Variants in ZFAT observed in about 807,000 individuals in gnomAD.
ZFAT encodes zinc finger protein ZFAT.
In ZFAT, 64 loss-of-function variants were observed where a neutral mutation model predicts 117.7. That is an observed-to-expected ratio of 0.54 (90% CI 0.44 to 0.67). The LOEUF (loss-of-function observed/expected upper bound fraction) is 0.67, where lower values mean the gene tolerates loss of function less well. Ranked by LOEUF, ZFAT falls within the 30% of genes least tolerant of loss-of-function variation. The pLI, the probability that ZFAT is intolerant of heterozygous loss-of-function variation, is 0.00. For missense variants in ZFAT, 1,433 were observed against 1,584.5 expected, an observed-to-expected ratio of 0.90 and a Z score of 1.62; for synonymous variants, 679 against 615.0, an observed-to-expected ratio of 1.10 and a Z score of -1.54.
chr8:134,532,615 G>A (rs904705320), intron 12 of ZFAT, among the ~76,000 whole-genome samples: 2 of 152,238 alleles, frequency 1.3e-5, no homozygotes, highest in African/African-American at 2.4e-5. Flanking sequence ...TGCTATTTTA[G>A]ACTTCCACTA....
chr8:134,625,766 A>C (rs1054200367), intron 3 of ZFAT, among the ~76,000 whole-genome samples: 9 of 152,352 alleles, frequency 5.9e-5, no homozygotes, highest in Middle Eastern at 3.4e-3. Flanking sequence ...CAGCCCCAGC[A>C]GTATGTCCAG....
intron 2 of ZFAT, among the ~76,000 whole-genome samples, chr8:134,644,581 C>T (rs565784274): frequency 5.3e-5 from 8 of 151,704 alleles, no homozygotes; most frequent in Admixed American, 1.3e-4. Context: ...ACCACATACA[C>T]AACCCATGTA....
the ZFAT span, among the ~76,000 whole-genome samples, chr8:134,768,049 C>T: frequency 3.3e-5 from 5 of 152,282 alleles, no homozygotes; most frequent in African/African-American, 1.2e-4. Flanking sequence ...TTTCATTCTT[C>T]ATTCTGTATA....
intron 14 of ZFAT, among the ~76,000 whole-genome samples, chr8:134,511,247 G>A (rs758207315): frequency 2.7e-4 from 41 of 152,154 alleles, no homozygotes; most frequent in Non-Finnish European, 4.4e-4. Flanking sequence ...GTGAGAGTGT[G>A]TGTGGGGGGT....
At chr8:134,546,227 A>G (rs1042242487) in intron 11 of ZFAT, among the ~76,000 whole-genome samples, 4 of 152,242 alleles carry the variant, frequency 2.6e-5, no homozygotes, top group Non-Finnish European at 5.9e-5. Context: ...TAGAGGAAAT[A>G]TTAACTATAA....
intron 2 of ZFAT, among the ~76,000 whole-genome samples, chr8:134,655,674 T>A (rs1213242429): frequency 6.6e-6 from 1 of 152,056 alleles, no homozygotes; most frequent in African/African-American, 2.4e-5. Context: ...AAATAAAAAT[T>A]AAAATTTCTC....
chr8:134,575,447 G>C (rs1345248541), intron 10 of ZFAT, among the ~76,000 whole-genome samples: 1 of 152,208 alleles, frequency 6.6e-6, no homozygotes. Flanking sequence ...AGGTCCATAA[G>C]CCACAGGATG....
At chr8:134,693,923 C>A (rs1833702588) in intron 1 of ZFAT, among the ~76,000 whole-genome samples, 1 of 152,228 alleles carries the variant, frequency 6.6e-6, no homozygotes. Context: ...GATCACGTGT[C>A]TCCTGCTATG....
At chr8:134,516,151 G>C (rs774543952) in intron 13 of ZFAT, among the ~76,000 whole-genome samples, 1 of 152,192 alleles carries the variant, frequency 6.6e-6, no homozygotes, top group African/African-American at 2.4e-5. Context: ...GTTTGCCTTA[G>C]AGAGCTGTCA....
At chr8:134,509,987 C>A in intron 14 of ZFAT, 2 of 534,998 alleles carry the variant, frequency 3.7e-6, no homozygotes, top group South Asian at 1.6e-5. Context: ...GACATTGAGA[C>A]GTTATTTGCA....
chr8:134,708,013 A>C (rs1446587823), intron 1 of ZFAT, among the ~76,000 whole-genome samples: 4 of 114,788 alleles, frequency 3.5e-5, no homozygotes, highest in Admixed American at 3.2e-4. Flanking sequence ...ATTCAGCTGT[A>C]AAAAAGAAAT....
the ZFAT span, chr8:134,792,575 T>C: frequency 6.6e-6 from 1 of 152,212 alleles, no homozygotes; most frequent in Non-Finnish European, 1.5e-5. Context: ...TAAAGTTGGT[T>C]TTTCTCAAAT....
chr8:134,701,076 A>G (rs1328168267), intron 1 of ZFAT, among the ~76,000 whole-genome samples: 1 of 152,196 alleles, frequency 6.6e-6, no homozygotes, highest in Non-Finnish European at 1.5e-5. Context: ...CAGTGGCATT[A>G]GATACATTCA....
intron 12 of ZFAT, among the ~76,000 whole-genome samples, chr8:134,523,063 T>TA (rs1359755639): frequency 1.3e-5 from 2 of 152,170 alleles, no homozygotes; most frequent in African/African-American, 2.4e-5. Flanking sequence ...TCAGCCCTGT[T>TA]AGACTCAATG....
At chr8:134,782,656 T>C in the ZFAT span, among the ~76,000 whole-genome samples, 1 of 152,128 alleles carries the variant, frequency 6.6e-6, no homozygotes, top group Non-Finnish European at 1.5e-5. Flanking sequence ...TCTGATAGTT[T>C]TATAAGGGAA....
chr8:134,533,914 A>G (rs1345244245), intron 11 of ZFAT, among the ~76,000 whole-genome samples: 6 of 152,190 alleles, frequency 3.9e-5, no homozygotes, highest in Non-Finnish European at 8.8e-5. Flanking sequence ...AGCTGCCAGC[A>G]TGCCCCTGTA....
At chr8:134,530,977 C>A (rs1002795352) in intron 12 of ZFAT, among the ~76,000 whole-genome samples, 1 of 152,080 alleles carries the variant, frequency 6.6e-6, no homozygotes, top group Non-Finnish European at 1.5e-5. Context: ...GTCCTGGAAC[C>A]AATCCCCCAT....
In ZFAT at chr8:134,668,995, A is replaced by C. The variant is rs151008500; in HGVS notation, c.20-11258T>G. ...GCCGATTCGATCAACTGGAAGAAAG[A>C]GTATCAGTGATTGAAGATCAAATGA... On this transcript the variant is annotated intron_variant, in intron 1 of 15. Transcript: ENST00000377838. 4.8e-3 allele frequency among the ~76,000 whole-genome samples: 731 copies of C among 152,360 alleles called. 7 individuals are homozygous for C. Among genetic ancestry groups the C allele is most frequent in the African/African-American group, 0.016 (683 of 41,590 alleles).
chr8:134,644,997 A>ACACGCACATGGGAT lies in ZFAT; in HGVS notation c.197-7299_197-7286dup, dbSNP rs1366784958. On this transcript the variant is annotated intron_variant, in intron 2 of 15. Coordinates refer to ENST00000377838, the MANE Select transcript of ZFAT (RefSeq NM_020863.4). ...CATACACACAGAGATATGATCACAC[A>ACACGCACATGGGAT]CACGCACATGGGATCACACACACGA... Among the ~76,000 whole-genome samples, 31 of 152,294 alleles carry ACACGCACATGGGAT rather than the reference A, an allele frequency of 2.0e-4. 1 individual carries two copies. Among genetic ancestry groups the ACACGCACATGGGAT allele is most frequent in the African/African-American group, 6.7e-4 (28 of 41,548 alleles).
Sources: allele counts gnomAD v4.1 joint callset (sites outside exome capture counted in the v4.1 genomes callset), GRCh38; gene constraint gnomAD v4.1.1; transcripts MANE v1.5; gene names NCBI Gene and HGNC (gene_info 2026-07-23, HGNC 2026-07-21).